The following CDK19 variants were observed in gnomAD, a reference collection of about 807,000 sequenced individuals.
CDK19 encodes cyclin dependent kinase 19.
Under a neutral mutation model 68.3 loss-of-function variants are expected in CDK19, and 20 were observed. The observed-to-expected ratio is 0.29, with a 90% CI of 0.21 to 0.43. The LOEUF is 0.43. CDK19 is among the 20% of genes least tolerant of loss of function. The pLI is 1.00. For missense variants in CDK19, 339 were observed against 623.5 expected, an observed-to-expected ratio of 0.54 and a Z score of 4.86; for synonymous variants, 221 against 222.8, an observed-to-expected ratio of 0.99 and a Z score of 0.07.
At chr6:110,687,958 A>AT (rs1181201100) in intron 2 of CDK19, among the ~76,000 whole-genome samples, 1 of 152,192 alleles carries the variant, frequency 6.6e-6, no homozygotes, top group African/African-American at 2.4e-5. Flanking sequence ...AATTATGTAC[A>AT]TATTTTTTGC....
intron 2 of CDK19, among the ~76,000 whole-genome samples, chr6:110,681,527 C>T (rs1469125114): frequency 6.6e-6 from 1 of 152,122 alleles, no homozygotes; most frequent in African/African-American, 2.4e-5. Flanking sequence ...TTCCAGAAAT[C>T]CACCTACCAA....
At chr6:110,814,742 C>G in intron 1 of CDK19, 1 of 639,124 alleles carries the variant, frequency 1.6e-6, no homozygotes, top group Non-Finnish European at 2.9e-6. Flanking sequence ...CCCCCGCCGT[C>G]TCCGAGCACT....
chr6:110,751,642 C>T (rs896578685), intron 1 of CDK19, among the ~76,000 whole-genome samples: 2 of 152,158 alleles, frequency 1.3e-5, no homozygotes, highest in Non-Finnish European at 2.9e-5. Flanking sequence ...CTGTCTTCCA[C>T]GAAACCCGTC....
At chr6:110,748,754 G>A (rs1032270000) in intron 1 of CDK19, among the ~76,000 whole-genome samples, 3 of 152,232 alleles carry the variant, frequency 2.0e-5, no homozygotes, top group Middle Eastern at 3.2e-3. Context: ...ATGAGACAGG[G>A]AAGCTTTATT....
intron 2 of CDK19, among the ~76,000 whole-genome samples, chr6:110,699,648 TA>T (rs746156080): frequency 1.3e-5 from 2 of 152,094 alleles, no homozygotes; most frequent in Non-Finnish European, 1.5e-5. Context: ...TGAGGTGCAC[TA>T]AAAATCTCAA....
intron 4 of CDK19, among the ~76,000 whole-genome samples, chr6:110,654,929 AAAACTCTGTCTCC>A (rs1781210145): frequency 6.6e-6 from 1 of 152,096 alleles, no homozygotes; most frequent in African/African-American, 2.4e-5. Context: ...CAATAAGAAC[AAAACTCTGTCTCC>A]AAAAAAAAAA....
intron 2 of CDK19, among the ~76,000 whole-genome samples, chr6:110,696,912 A>G (rs1773531549): frequency 6.6e-6 from 1 of 152,040 alleles, no homozygotes; most frequent in African/African-American, 2.4e-5. Context: ...TACAAAAATT[A>G]GCCAGGTGTG....
chr6:110,637,580 C>T (rs1222917746), intron 5 of CDK19, among the ~76,000 whole-genome samples: 2 of 152,170 alleles, frequency 1.3e-5, no homozygotes, highest in South Asian at 2.1e-4. Flanking sequence ...TTTTGCATCA[C>T]CTTTAGCATG....
At chr6:110,633,485 T>A (rs1234464884) in intron 5 of CDK19, among the ~76,000 whole-genome samples, 1 of 152,198 alleles carries the variant, frequency 6.6e-6, no homozygotes, top group Non-Finnish European at 1.5e-5. Flanking sequence ...AGTTGCTGAA[T>A]GGTAATCAGC....
At chr6:110,725,970 C>T (rs1406844352) in intron 2 of CDK19, among the ~76,000 whole-genome samples, 2 of 151,970 alleles carry the variant, frequency 1.3e-5, no homozygotes, top group Admixed American at 6.6e-5. Flanking sequence ...TTTCAGAAAG[C>T]ATTTCTTTTT....
intron 2 of CDK19, among the ~76,000 whole-genome samples, chr6:110,723,540 A>G (rs1776098284): frequency 1.3e-5 from 2 of 152,236 alleles, no homozygotes; most frequent in South Asian, 4.1e-4. Flanking sequence ...AAAATTGGAT[A>G]TTTTTTAGTC....
At chr6:110,625,569 G>C in intron 8 of CDK19, among the ~76,000 whole-genome samples, 1 of 152,116 alleles carries the variant, frequency 6.6e-6, no homozygotes, top group Non-Finnish European at 1.5e-5. Flanking sequence ...AGAACATTCA[G>C]GTTGGGATTC....
intron 5 of CDK19, among the ~76,000 whole-genome samples, chr6:110,637,289 T>C (rs1290008535): frequency 1.3e-5 from 2 of 151,588 alleles, no homozygotes; most frequent in African/African-American, 4.9e-5. Context: ...AGAAAAGGAG[T>C]GCAAGAGTAA....
intron 4 of CDK19, among the ~76,000 whole-genome samples, chr6:110,664,920 G>A (rs936289046): frequency 1.3e-5 from 2 of 152,180 alleles, no homozygotes; most frequent in Non-Finnish European, 2.9e-5. Context: ...GGGGTTTTAA[G>A]ATAGGGGAAA....
chr6:110,632,623 C>T (rs917766026), intron 5 of CDK19, among the ~76,000 whole-genome samples: 2 of 151,242 alleles, frequency 1.3e-5, no homozygotes, highest in African/African-American at 4.9e-5. Context: ...CCCAGCTACT[C>T]GGGAGGCTGA....
At chr6:110,812,902 C>CCA (rs1463522051) in intron 1 of CDK19, among the ~76,000 whole-genome samples, 1 of 151,870 alleles carries the variant, frequency 6.6e-6, no homozygotes, top group Non-Finnish European at 1.5e-5. Flanking sequence ...AAAATTAATC[C>CCA]CACTACCAAC....
At chr6:110,728,302 A>AAAG (rs1776496029) in intron 2 of CDK19, among the ~76,000 whole-genome samples, 2 of 150,414 alleles carry the variant, frequency 1.3e-5, no homozygotes, top group African/African-American at 4.9e-5. Context: ...AAAAAAAAAA[A>AAAG]AGAGAGAGAG....
At chr6:110,674,258 C>A (rs1771281999) in intron 2 of CDK19, among the ~76,000 whole-genome samples, 1 of 152,170 alleles carries the variant, frequency 6.6e-6, no homozygotes, top group Non-Finnish European at 1.5e-5. Flanking sequence ...TCTCTTCGGG[C>A]CTCTCTATTG....
chr6:110,611,618 T>G lies in CDK19; in HGVS notation c.*2917A>C, dbSNP rs1482587147. ...CTGACCAATAGGGTGAAACCCCATC[T>G]CTACTAAAAATACAAAAATTAGCCA... On this transcript the variant is annotated 3_prime_UTR_variant, in exon 13 of 13. Coordinates refer to ENST00000368911, the MANE Select transcript of CDK19 (RefSeq NM_015076.5). 6.6e-6 allele frequency: 1 copy of G among 152,160 alleles called. No homozygotes were observed. The highest frequency in any genetic ancestry group is 2.4e-5 in the African/African-American group (1 of 41,416). The allele number at this position is 152,160 out of a possible 1,614,324, so 9.4% of individuals were successfully genotyped here.
Sources: allele counts gnomAD v4.1 joint callset (sites outside exome capture counted in the v4.1 genomes callset), GRCh38; gene constraint gnomAD v4.1.1; transcripts MANE v1.5; gene names NCBI Gene and HGNC (gene_info 2026-07-23, HGNC 2026-07-21).